The following MIPEP variants were observed in gnomAD, a reference collection of about 807,000 sequenced individuals.
MIPEP encodes the protein mitochondrial intermediate peptidase.
Under a neutral mutation model 90.3 loss-of-function variants are expected in MIPEP, and 79 were observed. The observed-to-expected ratio is 0.87, with a 90% CI of 0.73 to 1.05. The LOEUF (loss-of-function observed/expected upper bound fraction) is 1.05. Among genes scored for constraint, MIPEP ranks in the 50% least tolerant of loss-of-function variants. The pLI is 0.00. For missense variants in MIPEP, 940 were observed against 905.6 expected, an observed-to-expected ratio of 1.04 and a Z score of -0.49; for synonymous variants, 334 against 315.8, an observed-to-expected ratio of 1.06 and a Z score of -0.61.
At chr13:23,806,415 C>T (rs536029115) in intron 15 of MIPEP, among the ~76,000 whole-genome samples, 20 of 152,264 alleles carry the variant, frequency 1.3e-4, no homozygotes, top group African/African-American at 4.3e-4. Flanking sequence ...CGGTGGCTCA[C>T]GCCTGTAATC....
intron 16 of MIPEP, among the ~76,000 whole-genome samples, chr13:23,768,598 G>A (rs1046395703): frequency 6.6e-6 from 1 of 152,122 alleles, no homozygotes; most frequent in South Asian, 2.1e-4. Context: ...TTAGCTAGGC[G>A]TGGTAGCCCA....
intron 10 of MIPEP, among the ~76,000 whole-genome samples, chr13:23,851,973 A>G (rs972332120): frequency 2.0e-5 from 3 of 152,264 alleles, no homozygotes; most frequent in Non-Finnish European, 4.4e-5. Flanking sequence ...TCCAGCTTAC[A>G]GGAATGATAG....
intron 18 of MIPEP, among the ~76,000 whole-genome samples, chr13:23,734,086 T>C (rs570299513): frequency 6.6e-6 from 1 of 152,232 alleles, no homozygotes; most frequent in African/African-American, 2.4e-5. Flanking sequence ...TCAGGTTTCA[T>C]GCATTCCCTA....
At chr13:23,878,921 G>A (rs1871173813) in intron 4 of MIPEP, among the ~76,000 whole-genome samples, 1 of 152,166 alleles carries the variant, frequency 6.6e-6, no homozygotes, top group Admixed American at 6.5e-5. Flanking sequence ...GAATGTGTAG[G>A]TACTGAGGAT....
rs147958192 is a variant in MIPEP at position 23,867,279 on chromosome 13, C to T, written c.943+2013G>A. ...CGCTGCGCTTCAGCCACTCTGCCCT[C>T]CTCAAACGTGGCAGGCATTTTTCTG... On this transcript the variant is annotated intron_variant, in intron 7 of 18. Coordinates refer to ENST00000382172, the MANE Select transcript of MIPEP (RefSeq NM_005932.4). Among the ~76,000 whole-genome samples the T allele has an allele frequency of 7.7e-4, 117 of 152,302 alleles. No individual in the cohort carries two copies. In the Middle Eastern group the frequency reaches 0.01, roughly 13 times the overall value.
chr13:23,855,321 A>C (rs967464375), intron 10 of MIPEP, among the ~76,000 whole-genome samples: 3 of 152,194 alleles, frequency 2.0e-5, no homozygotes, highest in Non-Finnish European at 4.4e-5. Context: ...AACCTTTGGC[A>C]CTTTTAAAAC....
chr13:23,800,238 G>C (rs1953018758), intron 16 of MIPEP, among the ~76,000 whole-genome samples: 1 of 152,188 alleles, frequency 6.6e-6, no homozygotes, highest in Non-Finnish European at 1.5e-5. Flanking sequence ...TTTCATCCCA[G>C]AGCTTTCTGG....
At chr13:23,749,956 C>T (rs1388551798) in intron 18 of MIPEP, among the ~76,000 whole-genome samples, 1 of 152,062 alleles carries the variant, frequency 6.6e-6, no homozygotes, top group African/African-American at 2.4e-5. Flanking sequence ...CCTCCGTGCC[C>T]CTCCCTCCCC....
Position 23,841,243 on chromosome 13 carries a change from C to A in MIPEP, c.1260+92G>T, listed in dbSNP as rs148273704. ...AGGCAGGGGACACACTCAGTCAGGGCAAAGTTGATGTAAACCTGAAACTGC... is the reference window on the plus strand; with the variant it reads ...AGGCAGGGGACACACTCAGTCAGGGAAAAGTTGATGTAAACCTGAAACTGC... On this transcript the variant is annotated intron_variant, in intron 11 of 18. Transcript: ENST00000382172. 127 of 1,205,136 alleles carry A rather than the reference C, an allele frequency of 1.1e-4. No individual in the cohort carries two copies. The African/African-American group carries it at 1.8e-3, about 17-fold the overall frequency. 74.7% of individuals were successfully genotyped at this position (1,205,136 alleles called of 1,614,324 possible).
At chr13:23,778,510 C>T (rs930093013) in intron 16 of MIPEP, among the ~76,000 whole-genome samples, 1 of 152,124 alleles carries the variant, frequency 6.6e-6, no homozygotes, top group Non-Finnish European at 1.5e-5. Flanking sequence ...AATGGCTAGC[C>T]TTGGGGAGCA....
intron 2 of MIPEP, 80 bp from the exon 3 acceptor site, chr13:23,881,867 TG>T (rs1871285007): frequency 7.6e-6 from 9 of 1,180,084 alleles, no homozygotes; most frequent in Middle Eastern, 2.6e-4. Flanking sequence ...AAATGAAAAC[TG>T]GGTTTTAAGA....
At chr13:23,751,322 A>G (rs999147281) in intron 18 of MIPEP, among the ~76,000 whole-genome samples, 1 of 152,212 alleles carries the variant, frequency 6.6e-6, no homozygotes, top group African/African-American at 2.4e-5. Flanking sequence ...AACGTAAGGT[A>G]TTATATTTTA....
intron 16 of MIPEP, among the ~76,000 whole-genome samples, chr13:23,770,824 T>C (rs1340537358): frequency 6.6e-6 from 1 of 152,208 alleles, no homozygotes; most frequent in African/African-American, 2.4e-5. Context: ...CCCTTTACAG[T>C]CTTCATAGAG....
chr13:23,779,924 T>C (rs1019127541), intron 16 of MIPEP, among the ~76,000 whole-genome samples: 1 of 152,200 alleles, frequency 6.6e-6, no homozygotes, highest in African/African-American at 2.4e-5. Context: ...GCGCCCACCA[T>C]TGCTGAAGCT....
intron 14 of MIPEP, among the ~76,000 whole-genome samples, chr13:23,815,339 A>G (rs957835404): frequency 2.0e-5 from 3 of 149,758 alleles, no homozygotes; most frequent in African/African-American, 7.4e-5. Flanking sequence ...TTTTTGAGTC[A>G]GAGTCTCGCT....
intron 14 of MIPEP, among the ~76,000 whole-genome samples, chr13:23,830,111 G>A (rs1285600918): frequency 2.0e-5 from 3 of 152,104 alleles, no homozygotes; most frequent in African/African-American, 7.2e-5. Flanking sequence ...TGGATATACA[G>A]AAGAAAGTAT....
chr13:23,841,236 G>C (rs1869280723), intron 11 of MIPEP, 99 bp downstream of exon 11: 3 of 1,104,212 alleles, frequency 2.7e-6, no homozygotes, highest in Non-Finnish European at 3.8e-6. Context: ...GACACACTCA[G>C]TCAGGGCAAA....
At chr13:23,797,911 T>C (rs962196557) in intron 16 of MIPEP, among the ~76,000 whole-genome samples, 2 of 152,216 alleles carry the variant, frequency 1.3e-5, no homozygotes, top group African/African-American at 4.8e-5. Context: ...TTTTGCTTAA[T>C]AACGAGATGT....
At chr13:23,879,673 C>T (rs1341842373) in intron 3 of MIPEP, among the ~76,000 whole-genome samples, 1 of 152,014 alleles carries the variant, frequency 6.6e-6, no homozygotes, top group Non-Finnish European at 1.5e-5. Context: ...GTTGGGACTA[C>T]AGGCATACAC....
Sources: gnomAD v4.1 joint callset for allele counts (sites outside exome capture counted in the v4.1 genomes callset) on GRCh38, gnomAD v4.1.1 for gene constraint, MANE v1.5 for transcripts, NCBI Gene and HGNC (gene_info 2026-07-23, HGNC 2026-07-21) for gene names.